Variants in UNC79 observed in about 807,000 individuals in gnomAD.
UNC79 encodes protein unc-79 homolog.
UNC79 carries 37 observed loss-of-function variants against 283.1 expected under a neutral mutation model. That is an observed-to-expected ratio of 0.13 (90% CI 0.10 to 0.17). The LOEUF is 0.17. Ranked by LOEUF, UNC79 falls within the 10% of genes least tolerant of loss-of-function variation. UNC79 has a pLI of 1.00. For synonymous variants in UNC79, 1,107 were observed against 1,200.2 expected, an observed-to-expected ratio of 0.92 and a Z score of 1.61; for missense variants, 2,272 against 3,211.1, an observed-to-expected ratio of 0.71 and a Z score of 7.07.
At chr14:93,527,782 T>C (rs1027185231) in intron 8 of UNC79, among the ~76,000 whole-genome samples, 2 of 152,168 alleles carry the variant, frequency 1.3e-5, no homozygotes, top group African/African-American at 4.8e-5. Context: ...TTATAGAAAT[T>C]TAAATTTATG....
intron 1 of UNC79, among the ~76,000 whole-genome samples, chr14:93,342,519 T>G (rs1267685138): frequency 1.3e-5 from 2 of 152,230 alleles, no homozygotes; most frequent in Admixed American, 6.5e-5. Context: ...GGAGACATTT[T>G]CCTCATTGTC....
intron 14 of UNC79, among the ~76,000 whole-genome samples, chr14:93,566,789 C>G (rs1165075381): frequency 1.3e-5 from 2 of 151,792 alleles, no homozygotes; most frequent in Non-Finnish European, 2.9e-5. Flanking sequence ...AGGCACACAC[C>G]ACCATGTCCA....
chr14:93,584,317 C>T (rs1014503845), intron 20 of UNC79, among the ~76,000 whole-genome samples: 7 of 152,178 alleles, frequency 4.6e-5, no homozygotes, highest in East Asian at 1.9e-4. Flanking sequence ...AACGGAACAT[C>T]GGAATCCCTG....
intron 1 of UNC79, among the ~76,000 whole-genome samples, chr14:93,421,535 A>G (rs2055599339): frequency 6.6e-6 from 1 of 151,780 alleles, no homozygotes. Flanking sequence ...TTTAAAGAAT[A>G]GTACCAGTCC....
At position 93,621,866 on chromosome 14, in the gene UNC79, C is replaced by G; in HGVS notation, c.4633C>G (p.Pro1545Ala). The G allele has an allele frequency of 6.2e-7, 1 of 1,613,978 alleles. No homozygotes were observed. Among genetic ancestry groups the G allele is most frequent in the Non-Finnish European group, 8.5e-7 (1 of 1,179,992 alleles). ...GTATATCGCACAAAGACCAAACGAC[C>G]CTGGACGTTCTAGACAGAACTCTGC... Residue 1545 changes from proline (P) to alanine (A), a missense_variant, in exon 30 of 49, where the codon CCT (proline) becomes GCT (alanine). Coordinates refer to ENST00000555664, the Ensembl canonical transcript of UNC79. The surrounding 1 kb of genome is among the most constrained non-coding windows in gnomAD (Gnocchi z 4.8).
Position 93,656,138 on chromosome 14 carries a change from A to G in UNC79, c.6456+731A>G, listed in dbSNP as rs567809789. Reference sequence around the variant, plus strand: ...TGACTCACAGTCCAGTGCTCATTTCACTAGCAGACTCTTCTTGCCCTTCTG... The same window carrying G: ...TGACTCACAGTCCAGTGCTCATTTCGCTAGCAGACTCTTCTTGCCCTTCTG... On this transcript the variant is annotated intron_variant, in intron 38 of 48. Transcript: ENST00000555664. Among the ~76,000 whole-genome samples, 6 of 152,294 alleles carry G rather than the reference A, an allele frequency of 3.9e-5. No homozygotes were observed. The South Asian group carries it at 1.0e-3, about 26-fold the overall frequency.
chr14:93,496,609 C>G (rs568779993), intron 6 of UNC79, 143 bp downstream of exon 6: 1 of 483,438 alleles, frequency 2.1e-6, no homozygotes, highest in African/African-American at 2.0e-5. Flanking sequence ...ATAATTCTTT[C>G]TTTAATGGTT....
At chr14:93,483,996 A>G (rs940949059) in intron 4 of UNC79, among the ~76,000 whole-genome samples, 9 of 152,138 alleles carry the variant, frequency 5.9e-5, no homozygotes, top group South Asian at 2.1e-4. Context: ...GCCACAACAA[A>G]CATACCTGTG....
At chr14:93,699,474 A>C (rs1208742858) in intron 47 of UNC79, among the ~76,000 whole-genome samples, 43 of 152,176 alleles carry the variant, frequency 2.8e-4, no homozygotes, top group Admixed American at 2.8e-3. Context: ...AGAGATTCTC[A>C]TTTCCATTCA....
intron 14 of UNC79, among the ~76,000 whole-genome samples, chr14:93,562,230 A>G (rs2062604905): frequency 6.6e-6 from 1 of 152,164 alleles, no homozygotes; most frequent in South Asian, 2.1e-4. Context: ...CTGGTCCATC[A>G]AGGTTGTAGA....
chr14:93,449,915 G>T (rs765324995), intron 1 of UNC79, among the ~76,000 whole-genome samples: 2 of 152,206 alleles, frequency 1.3e-5, no homozygotes, highest in Non-Finnish European at 2.9e-5. Flanking sequence ...TAATCTGGTG[G>T]TGGGTAAATG....
In UNC79 at chr14:93,337,213, A is replaced by G. The variant is rs373067315; in HGVS notation, c.-351+3690A>G. 6.6e-5 allele frequency among the ~76,000 whole-genome samples: 10 copies of G among 152,332 alleles called. No homozygotes were observed. In the East Asian group the frequency reaches 1.9e-3, roughly 29 times the overall value. On this transcript the variant is annotated intron_variant, in intron 1 of 49. Transcript: ENST00000256339. ...TCAGCATGCACTTCATTCTGAGCCA[A>G]TAAAAACCCCCAGACCCAGCCTAAC...
chr14:93,497,854 T>C (rs1181319828), intron 7 of UNC79, among the ~76,000 whole-genome samples: 1 of 151,712 alleles, frequency 6.6e-6, no homozygotes, highest in Non-Finnish European at 1.5e-5. Flanking sequence ...GGCGTGGTGG[T>C]GCACGACTGT....
chr14:93,423,820 A>G (rs187782488), intron 1 of UNC79, among the ~76,000 whole-genome samples: 2 of 152,316 alleles, frequency 1.3e-5, no homozygotes, highest in East Asian at 3.9e-4. Context: ...TTTCCTGAGT[A>G]ATACTCCACA....
At chr14:93,565,356 A>AC (rs2062812188) in intron 14 of UNC79, among the ~76,000 whole-genome samples, 1 of 152,112 alleles carries the variant, frequency 6.6e-6, no homozygotes, top group African/African-American at 2.4e-5. Flanking sequence ...TTGACCTATG[A>AC]CCCAGGGGGT....
chr14:93,350,153 G>C (rs1183335253), intron 1 of UNC79, among the ~76,000 whole-genome samples: 1 of 151,924 alleles, frequency 6.6e-6, no homozygotes, highest in Non-Finnish European at 1.5e-5. Flanking sequence ...TTGCTTCCTA[G>C]GTTTTCACTA....
chr14:93,558,437 T>C (rs1449814195), intron 14 of UNC79, among the ~76,000 whole-genome samples: 2 of 151,682 alleles, frequency 1.3e-5, no homozygotes, highest in Non-Finnish European at 2.9e-5. Context: ...GTGCCTGTAG[T>C]CCCAGCTACT....
At chr14:93,347,109 G>A (rs1017515964) in intron 1 of UNC79, 49 of 698,066 alleles carry the variant, frequency 7.0e-5, no homozygotes, top group Non-Finnish European at 1.6e-5. Context: ...AGAGCAGGAG[G>A]TGCTGGGCAG....
At chr14:93,608,330 C>T (rs2066034159) in intron 26 of UNC79, among the ~76,000 whole-genome samples, 1 of 152,162 alleles carries the variant, frequency 6.6e-6, no homozygotes, top group African/African-American at 2.4e-5. Context: ...TGAGTCATGT[C>T]AAATGCAAAG....
Sources: gnomAD v4.1 joint callset for allele counts (sites outside exome capture counted in the v4.1 genomes callset) on GRCh38, gnomAD v4.1.1 for gene constraint, Gnocchi (gnomAD v3.1) non-coding constraint, MANE v1.5 for transcripts, NCBI Gene and HGNC (gene_info 2026-07-23, HGNC 2026-07-21) for gene names.